The following AGMO variants were observed in gnomAD, a reference collection of about 807,000 sequenced individuals.
The protein encoded by AGMO is alkylglycerol monooxygenase, also known as glyceryl-ether monooxygenase.
AGMO carries 75 observed loss-of-function variants against 60.2 expected under a neutral mutation model. That is an observed-to-expected ratio of 1.25 (90% CI 1.03 to 1.51). AGMO has a LOEUF of 1.51. Among genes scored for constraint, AGMO ranks in the 40% most tolerant of loss-of-function variants. The pLI, the probability that AGMO is intolerant of heterozygous loss-of-function variation, is 0.00. For missense variants in AGMO, 763 were observed against 525.5 expected (o/e 1.45, Z -4.42); for synonymous variants, 261 against 177.1 (o/e 1.47, Z -3.76).
chr7:15,385,906 T>C (rs544897568), intron 9 of AGMO, among the ~76,000 whole-genome samples: 96 of 152,148 alleles, frequency 6.3e-4, no homozygotes, highest in African/African-American at 2.2e-3. Flanking sequence ...AGGTGCCAGA[T>C]GTGGTGACTC....
chr7:15,553,271 T>C (rs905325035), intron 2 of AGMO, among the ~76,000 whole-genome samples: 2 of 151,350 alleles, frequency 1.3e-5, no homozygotes, highest in Non-Finnish European at 2.9e-5. Flanking sequence ...TGTATACATA[T>C]GTAACTAACC....
chr7:15,392,146 T>C (rs567849236), intron 6 of AGMO, among the ~76,000 whole-genome samples: 20 of 152,122 alleles, frequency 1.3e-4, no homozygotes, highest in African/African-American at 4.8e-4. Flanking sequence ...CTCGGCTCAC[T>C]GCAAGCTCTG....
At chr7:15,187,614 C>T in the AGMO span, among the ~76,000 whole-genome samples, 1 of 152,120 alleles carries the variant, frequency 6.6e-6, no homozygotes, top group South Asian at 2.1e-4. Flanking sequence ...CCTCAATTTG[C>T]CCTGCTGCCA....
At chr7:15,446,397 C>CA (rs1000595101) in intron 3 of AGMO, among the ~76,000 whole-genome samples, 131 of 151,690 alleles carry the variant, frequency 8.6e-4, no homozygotes, top group African/African-American at 2.6e-3. Flanking sequence ...AATAAATGAC[C>CA]AAAAAAAACC....
chr7:15,264,258 C>A (rs1282685991), intron 12 of AGMO, among the ~76,000 whole-genome samples: 4 of 151,648 alleles, frequency 2.6e-5, no homozygotes, highest in Non-Finnish European at 5.9e-5. Context: ...ATATATTTTA[C>A]CCCTTCAATC....
chr7:15,538,467 C>G (rs536457068), intron 3 of AGMO, among the ~76,000 whole-genome samples: 358 of 152,242 alleles, frequency 2.4e-3, no homozygotes, highest in Non-Finnish European at 4.2e-3. Context: ...CTCCTAGCCT[C>G]AAACTATCCT....
At chr7:15,519,862 A>T (rs2128534859) in intron 3 of AGMO, among the ~76,000 whole-genome samples, 1 of 152,198 alleles carries the variant, frequency 6.6e-6, no homozygotes, top group African/African-American at 2.4e-5. Context: ...ACAGACTGGC[A>T]AATTGGAGAA....
chr7:15,425,909 T>A (rs978487614), intron 4 of AGMO, among the ~76,000 whole-genome samples: 10 of 152,356 alleles, frequency 6.6e-5, no homozygotes, highest in Admixed American at 3.9e-4. Context: ...ATTCACTCAC[T>A]CTAGTAATTT....
At chr7:15,472,314 T>C (rs962352177) in intron 3 of AGMO, among the ~76,000 whole-genome samples, 1 of 151,932 alleles carries the variant, frequency 6.6e-6, no homozygotes, top group Non-Finnish European at 1.5e-5. Context: ...GACAAAAATA[T>C]GTTCAAAAAG....
chr7:15,205,588 A>G (rs1781418605), intron 12 of AGMO, among the ~76,000 whole-genome samples: 1 of 152,178 alleles, frequency 6.6e-6, no homozygotes, highest in Non-Finnish European at 1.5e-5. Flanking sequence ...TTGCTGAATG[A>G]TAAAGTCACT....
intron 3 of AGMO, among the ~76,000 whole-genome samples, chr7:15,484,936 T>C (rs1782871776): frequency 2.0e-5 from 3 of 151,938 alleles, no homozygotes; most frequent in Admixed American, 6.6e-5. Flanking sequence ...GAGGGGTAGA[T>C]GAGAAGTTCT....
chr7:15,259,914 A>AAAAAAAAAAAAAAAAAAAAAAAC, intron 12 of AGMO, among the ~76,000 whole-genome samples: 1 of 148,224 alleles, frequency 6.7e-6, no homozygotes, highest in African/African-American at 2.5e-5. Context: ...AAAAAAAAAA[A>AAAAAAAAAAAAAAAAAAAAAAAC]AAAAAAAAAA....
chr7:15,352,235 A>C (rs1782267454), intron 12 of AGMO, among the ~76,000 whole-genome samples: 1 of 152,148 alleles, frequency 6.6e-6, no homozygotes, highest in Non-Finnish European at 1.5e-5. Context: ...ATCCAAATTT[A>C]ACTTCACTTT....
intron 3 of AGMO, among the ~76,000 whole-genome samples, chr7:15,439,273 T>A (rs1314692288): frequency 1.3e-5 from 2 of 152,174 alleles, no homozygotes; most frequent in Non-Finnish European, 2.9e-5. Flanking sequence ...GGTGCACACC[T>A]GTAGTCCCAG....
Position 15,385,488 on chromosome 7 carries a change from A to C in AGMO, c.1032T>G (p.Ala344=), listed in dbSNP as rs576872902. The C allele has an allele frequency of 6.2e-7, 1 of 1,612,972 alleles. No individual in the cohort carries two copies. Among genetic ancestry groups the C allele is most frequent in the East Asian group, 2.2e-5 (1 of 44,800 alleles). The part of the protein sequence containing the change: ...LLKIYTVVQF[A]LMLAFYEETF... ...TCTCTTCATAAAATGCCAACATCAGAGCAAACTGTACAACTGTATATATCT... is the reference window on the plus strand; with the variant it reads ...TCTCTTCATAAAATGCCAACATCAGCGCAAACTGTACAACTGTATATATCT... Residue 344 remains alanine (A), a synonymous_variant, in exon 10 of 13, where the codon GCT becomes GCG. Coordinates refer to ENST00000342526, the MANE Select transcript of AGMO (RefSeq NM_001004320.2).
chr7:15,208,483 A>G (rs1409312523), intron 12 of AGMO, among the ~76,000 whole-genome samples: 1 of 152,220 alleles, frequency 6.6e-6, no homozygotes, highest in Admixed American at 6.5e-5. Flanking sequence ...AAAACTTTTA[A>G]GAATGGTCTG....
At chr7:15,492,875 C>A (rs1255246621) in intron 3 of AGMO, among the ~76,000 whole-genome samples, 1 of 152,142 alleles carries the variant, frequency 6.6e-6, no homozygotes, top group East Asian at 1.9e-4. Context: ...GGTTATCTTA[C>A]CAGCCCCTCT....
chr7:15,359,437 A>C (rs1215779965), intron 12 of AGMO, among the ~76,000 whole-genome samples: 1 of 152,186 alleles, frequency 6.6e-6, no homozygotes, highest in African/African-American at 2.4e-5. Flanking sequence ...CATTTCATTT[A>C]AAAGAAATAT....
rs60231120 is a variant in AGMO, at chr7:15,386,458, A to G, written c.958-896T>C. On this transcript the variant is annotated intron_variant, in intron 9 of 12. Transcript: ENST00000342526. ...AAATGAAAAATAATAAATCGATCATAGCAAACAGCTTTTTGGAGTTGAAAT... is the reference window on the plus strand; with the variant it reads ...AAATGAAAAATAATAAATCGATCATGGCAAACAGCTTTTTGGAGTTGAAAT... Among the ~76,000 whole-genome samples the G allele has an allele frequency of 1.7e-3, 260 of 152,312 alleles. 1 individual carries two copies. Among genetic ancestry groups the G allele is most frequent in the African/African-American group, 6.1e-3 (254 of 41,572 alleles).
Sources: gnomAD v4.1 joint callset for allele counts (sites outside exome capture counted in the v4.1 genomes callset) on GRCh38, gnomAD v4.1.1 for gene constraint, MANE v1.5 for transcripts, NCBI Gene and HGNC (gene_info 2026-07-23, HGNC 2026-07-21) for gene names.